The following UNC5D variants were observed in gnomAD, a reference collection of about 807,000 sequenced individuals.
UNC5D encodes the protein unc-5 netrin receptor D.
In UNC5D, 39 loss-of-function variants were observed where a neutral mutation model predicts 105.4. That is an observed-to-expected ratio of 0.37 (90% CI 0.29 to 0.48). The LOEUF is 0.48. Among genes scored for constraint, UNC5D ranks in the 20% least tolerant of loss-of-function variants. The probability of loss-of-function intolerance (pLI) is 0.98; values close to 1 mark genes in which losing one functional copy is unlikely to be tolerated. For missense variants in UNC5D, 991 were observed against 1,202.4 expected (o/e 0.82, Z 2.60); for synonymous variants, 452 against 450.4 (o/e 1.00, Z -0.04).
Position 35,791,695 on chromosome 8 carries a change from G to A in UNC5D, c.*1132G>A, listed in dbSNP as rs950214481. On this transcript the variant is annotated 3_prime_UTR_variant, in exon 17 of 17. Transcript: ENST00000404895. Reference sequence around the variant, plus strand: ...GCTCTAAATGATATCTGAGTAAATAGACTTGAGGAATCCTCTACCACAGTG... The same window carrying A: ...GCTCTAAATGATATCTGAGTAAATAAACTTGAGGAATCCTCTACCACAGTG... 1 of 152,108 alleles carries A rather than the reference G, an allele frequency of 6.6e-6. No individual in the cohort carries two copies. The highest frequency in any genetic ancestry group is 2.4e-5 in the African/African-American group (1 of 41,412). The allele number at this position is 152,108 out of a possible 1,614,324, so 9.4% of individuals were successfully genotyped here.
intron 1 of UNC5D, among the ~76,000 whole-genome samples, chr8:35,377,969 T>C (rs1327896525): frequency 6.6e-6 from 1 of 152,154 alleles, no homozygotes; most frequent in African/African-American, 2.4e-5. Context: ...CTCAGAACTT[T>C]TCCTGCTTTG....
intron 1 of UNC5D, among the ~76,000 whole-genome samples, chr8:35,404,823 C>G (rs1804698481): frequency 6.6e-6 from 1 of 152,110 alleles, no homozygotes; most frequent in Non-Finnish European, 1.5e-5. Flanking sequence ...CTCCTGATCT[C>G]AGGTGATACC....
chr8:35,443,369 C>T (rs1341813435), intron 1 of UNC5D, among the ~76,000 whole-genome samples: 1 of 151,466 alleles, frequency 6.6e-6, no homozygotes, highest in African/African-American at 2.4e-5. Flanking sequence ...CAGACTCCCA[C>T]AGAATGCTGA....
In UNC5D at chr8:35,459,954, G is replaced by A. The variant is rs193253297; in HGVS notation, c.104-89338G>A. On this transcript the variant is annotated intron_variant, in intron 1 of 16. Coordinates refer to ENST00000404895, the MANE Select transcript of UNC5D (RefSeq NM_080872.4). ...TAGACAAGTGTAACTAAACTGGAGG[G>A]GTCTAACCTTGCCGGATTCGGCTCC... Among the ~76,000 whole-genome samples, 94 of 152,216 alleles carry A rather than the reference G, an allele frequency of 6.2e-4. 1 individual carries two copies. The highest frequency in any genetic ancestry group is 3.4e-3 in the Middle Eastern group (1 of 294).
chr8:35,598,300 G>A (rs1017354215), intron 4 of UNC5D, among the ~76,000 whole-genome samples: 7 of 152,168 alleles, frequency 4.6e-5, no homozygotes, highest in Admixed American at 4.6e-4. Flanking sequence ...CTTAAATTCA[G>A]TGAGGGAAAT....
chr8:35,628,016 A>G (rs1050279765), intron 4 of UNC5D, among the ~76,000 whole-genome samples: 1 of 152,208 alleles, frequency 6.6e-6, no homozygotes, highest in African/African-American at 2.4e-5. Flanking sequence ...CAAGGTGTGC[A>G]TTAGTCTGTA....
At chr8:35,417,016 C>T (rs1397935217) in intron 1 of UNC5D, among the ~76,000 whole-genome samples, 1 of 152,072 alleles carries the variant, frequency 6.6e-6, no homozygotes, top group Non-Finnish European at 1.5e-5. Context: ...TACAGGCATG[C>T]AATACATATT....
chr8:35,387,015 T>TCC lies in UNC5D; in HGVS notation c.103+151134_103+151135dup, dbSNP rs5890807. On this transcript the variant is annotated intron_variant, in intron 1 of 16. Transcript: ENST00000404895. ...CAAATGATGGATGGTGAGAAGGAAT[T>TCC]CCCCCCCTGCTGTAGTGGCAGCATC... Among the ~76,000 whole-genome samples, 585 of 151,546 alleles carry TCC rather than the reference T, an allele frequency of 3.9e-3. 4 individuals carry two copies. Among genetic ancestry groups the TCC allele is most frequent in the Middle Eastern group, 0.01 (3 of 292 alleles).
rs138012068 is a variant in UNC5D at position 35,371,932 on chromosome 8, T to C, written c.103+136045T>C. 3.9e-4 allele frequency among the ~76,000 whole-genome samples: 60 copies of C among 152,246 alleles called. No individual in the cohort carries two copies. The East Asian group carries it at 0.011, about 29-fold the overall frequency. On this transcript the variant is annotated intron_variant, in intron 1 of 16. Transcript: ENST00000404895. The stretch of plus-strand genomic sequence containing the variant: ...CCAAACAAGGATGAGCAATGAACCG[T>C]TGTCTAATTGGGTGGGTTATGGGGG...
rs1393089357 is a variant in UNC5D, at chr8:35,555,628, C to A, written c.322+6118C>A. 2.6e-5 allele frequency among the ~76,000 whole-genome samples: 4 copies of A among 151,986 alleles called. No individual in the cohort carries two copies. The South Asian group carries it at 8.3e-4, about 32-fold the overall frequency. ...AGATCACAAGGTCAAGAGATCAAGACCAGCCTGGCCAACATGGTGAAACCC... is the reference window on the plus strand; with the variant it reads ...AGATCACAAGGTCAAGAGATCAAGAACAGCCTGGCCAACATGGTGAAACCC... On this transcript the variant is annotated intron_variant, in intron 2 of 16. Transcript: ENST00000404895.
chr8:35,307,612 T>C (rs1008953777), intron 1 of UNC5D, among the ~76,000 whole-genome samples: 2 of 152,086 alleles, frequency 1.3e-5, no homozygotes, highest in African/African-American at 4.8e-5. Context: ...TGGAAAATAA[T>C]TTAAATTGCC....
chr8:35,740,538 T>G (rs1829706796), intron 11 of UNC5D, among the ~76,000 whole-genome samples: 1 of 152,202 alleles, frequency 6.6e-6, no homozygotes, highest in Non-Finnish European at 1.5e-5. Flanking sequence ...AAGTCTGTGC[T>G]GTGACAGTAA....
intron 7 of UNC5D, among the ~76,000 whole-genome samples, chr8:35,694,918 G>GA (rs1038013478): frequency 2.6e-5 from 4 of 151,830 alleles, no homozygotes; most frequent in African/African-American, 7.2e-5. Flanking sequence ...TCTTGTGGCA[G>GA]AAAAAAAATG....
chr8:35,501,351 G>A lies in UNC5D; in HGVS notation c.104-47941G>A, dbSNP rs76180405. Among the ~76,000 whole-genome samples the A allele has an allele frequency of 7.3e-3, 1,107 of 152,324 alleles. 9 individuals are homozygous for A. Among genetic ancestry groups the A allele is most frequent in the Non-Finnish European group, 0.01 (710 of 68,022 alleles). On this transcript the variant is annotated intron_variant, in intron 1 of 16. Coordinates refer to ENST00000404895, the MANE Select transcript of UNC5D (RefSeq NM_080872.4). ...GTGCCCTAGTTGTAGCTTTTGTACT[G>A]ATGGTGGCTTTCCTTTATGTTTCTA... is the stretch of plus-strand genomic sequence containing the variant.
chr8:35,646,889 T>C (rs1209696601), intron 4 of UNC5D, among the ~76,000 whole-genome samples: 2 of 152,142 alleles, frequency 1.3e-5, no homozygotes, highest in Non-Finnish European at 2.9e-5. Flanking sequence ...GCTGTTGATA[T>C]ACTGTATTTT....
chr8:35,350,553 A>G (rs1812167025), intron 1 of UNC5D, among the ~76,000 whole-genome samples: 1 of 152,186 alleles, frequency 6.6e-6, no homozygotes, highest in Admixed American at 6.5e-5. Context: ...GCAGGAATCA[A>G]TAATTCCCTC....
intron 9 of UNC5D, 34 bp from the exon 10 acceptor site, chr8:35,726,118 G>A: frequency 6.3e-7 from 1 of 1,583,428 alleles, no homozygotes; most frequent in Non-Finnish European, 8.6e-7. Flanking sequence ...ATGCCTTTTA[G>A]TTTCTGAGTG....
At chr8:35,412,358 T>C (rs1322371250) in intron 1 of UNC5D, among the ~76,000 whole-genome samples, 1 of 152,122 alleles carries the variant, frequency 6.6e-6, no homozygotes, top group Non-Finnish European at 1.5e-5. Flanking sequence ...TAAGCACTAT[T>C]GCATTGAGCA....
At chr8:35,418,763 T>A (rs1805695756) in intron 1 of UNC5D, among the ~76,000 whole-genome samples, 1 of 152,188 alleles carries the variant, frequency 6.6e-6, no homozygotes, top group Non-Finnish European at 1.5e-5. Context: ...CCTACGGACG[T>A]TGGTGCATTC....
Sources: gnomAD v4.1 joint callset for allele counts (sites outside exome capture counted in the v4.1 genomes callset) on GRCh38, gnomAD v4.1.1 for gene constraint, MANE v1.5 for transcripts, NCBI Gene and HGNC (gene_info 2026-07-23, HGNC 2026-07-21) for gene names.